PTPRN2: variants seen among roughly 807,000 people sequenced by gnomAD.
PTPRN2 encodes the protein protein tyrosine phosphatase receptor type N2.
PTPRN2 carries 74 observed loss-of-function variants against 118.8 expected under a neutral mutation model. The ratio of observed to expected loss-of-function variants is 0.62; its 90% CI spans 0.52 to 0.76. The LOEUF is 0.76. PTPRN2 is among the 30% of genes least tolerant of loss of function. The pLI is 0.00. For missense variants in PTPRN2, 1,481 were observed against 1,394.4 expected, an observed-to-expected ratio of 1.06 and a Z score of -0.99; for synonymous variants, 641 against 608.0, an observed-to-expected ratio of 1.05 and a Z score of -0.80.
In PTPRN2 at chr7:157,794,210, C is replaced by T. The variant is rs1456488084; in HGVS notation, c.1788+104463G>A. Among the ~76,000 whole-genome samples, 4 of 146,916 alleles carry T rather than the reference C, an allele frequency of 2.7e-5. No homozygotes were observed. Among genetic ancestry groups the T allele is most frequent in the South Asian group, 2.1e-4 (1 of 4,656 alleles). ...CTGACCCGGGATCACACCTCCGACC[C>T]GGGCTCACACCTCCCCTCGTTCTCT... On this transcript the variant is annotated intron_variant, in intron 12 of 22. Transcript: ENST00000389418. The surrounding 1 kb of genome is among the most constrained non-coding windows in gnomAD (Gnocchi z 5.2).
intron 2 of PTPRN2, among the ~76,000 whole-genome samples, chr7:158,441,318 A>ATGGTGG (rs1346666608): frequency 1.9e-4 from 17 of 90,946 alleles, no homozygotes; most frequent in African/African-American, 6.1e-4. Context: ...GGTGATGGCA[A>ATGGTGG]TGAAGGTGAT....
At chr7:157,682,994 AAC>A in intron 12 of PTPRN2, 57 bp from the exon 13 acceptor site, 5 of 1,404,294 alleles carry the variant, frequency 3.6e-6, no homozygotes, top group Non-Finnish European at 5.0e-6. Flanking sequence ...ACCTCCTAAA[AAC>A]ACACGTCTCC....
At chr7:158,572,116 C>A (rs1452556261) in intron 1 of PTPRN2, among the ~76,000 whole-genome samples, 1 of 152,172 alleles carries the variant, frequency 6.6e-6, no homozygotes, top group African/African-American at 2.4e-5. Flanking sequence ...TTCTGGAGGG[C>A]AGGGACTCTG....
chr7:157,935,365 G>A (rs1465753964), intron 11 of PTPRN2, among the ~76,000 whole-genome samples: 1 of 152,028 alleles, frequency 6.6e-6, no homozygotes, highest in African/African-American at 2.4e-5. Flanking sequence ...GATCATTTCT[G>A]TGCATCTGTT....
intron 1 of PTPRN2, among the ~76,000 whole-genome samples, chr7:158,510,290 GC>G (rs2129446971): frequency 6.6e-6 from 1 of 152,308 alleles, no homozygotes; most frequent in East Asian, 1.9e-4. Flanking sequence ...CAACTTAGAA[GC>G]CCAGGGTGCT....
At chr7:157,818,133 A>G (rs1437345133) in intron 12 of PTPRN2, among the ~76,000 whole-genome samples, 1 of 147,782 alleles carries the variant, frequency 6.8e-6, no homozygotes, top group Non-Finnish European at 1.5e-5. Flanking sequence ...TAGTGTGTGT[A>G]TATGTGTATG....
At chr7:158,116,967 T>C (rs1816773863) in intron 9 of PTPRN2, among the ~76,000 whole-genome samples, 1 of 152,138 alleles carries the variant, frequency 6.6e-6, no homozygotes, top group Admixed American at 6.5e-5. Context: ...AGAGACAATC[T>C]GATTTCCAGA....
intron 1 of PTPRN2, among the ~76,000 whole-genome samples, chr7:158,567,961 A>G (rs577831668): frequency 6.6e-6 from 1 of 152,290 alleles, no homozygotes; most frequent in African/African-American, 2.4e-5. Context: ...CCTTTATTAA[A>G]AACTCTTTTG....
intron 12 of PTPRN2, among the ~76,000 whole-genome samples, chr7:157,693,248 T>A (rs946063963): frequency 6.6e-6 from 1 of 151,552 alleles, no homozygotes. Flanking sequence ...CGCGCGTCTG[T>A]GTGTGCGCGC....
intron 2 of PTPRN2, among the ~76,000 whole-genome samples, chr7:158,412,283 C>A (rs1814189432): frequency 9.7e-6 from 1 of 102,802 alleles, no homozygotes; most frequent in Non-Finnish European, 1.9e-5. Context: ...CCCATCTCAG[C>A]ACCCTCCTCA....
At chr7:158,072,079 G>T (rs1219969962) in intron 11 of PTPRN2, among the ~76,000 whole-genome samples, 2 of 130,062 alleles carry the variant, frequency 1.5e-5, no homozygotes, top group Non-Finnish European at 3.5e-5. Flanking sequence ...AGGTGCTCGT[G>T]GTGGTGGAGG....
intron 4 of PTPRN2, among the ~76,000 whole-genome samples, chr7:158,196,148 G>A (rs1187549137): frequency 6.6e-6 from 1 of 152,192 alleles, no homozygotes; most frequent in African/African-American, 2.4e-5. Flanking sequence ...GATACTGTTT[G>A]CTCTCATTTT....
chr7:158,223,084 G>A (rs547004689), intron 3 of PTPRN2, among the ~76,000 whole-genome samples: 1 of 152,224 alleles, frequency 6.6e-6, no homozygotes, highest in Admixed American at 6.5e-5. Flanking sequence ...AGATGAAATG[G>A]ATCGACTCCT....
At chr7:157,899,683 G>A (rs533992691) in intron 11 of PTPRN2, among the ~76,000 whole-genome samples, 1 of 152,186 alleles carries the variant, frequency 6.6e-6, no homozygotes, top group East Asian at 1.9e-4. Flanking sequence ...TTCGGAGAGG[G>A]ACGCGATGAG....
rs1285708020 is a variant in PTPRN2 at position 158,273,459 on chromosome 7, C to T, written c.277+43360G>A. Among the ~76,000 whole-genome samples the T allele has an allele frequency of 5.6e-5, 8 of 142,646 alleles. 1 individual carries two copies. Among genetic ancestry groups the T allele is most frequent in the Admixed American group, 1.4e-4 (2 of 14,252 alleles). 93.6% of individuals were successfully genotyped at this position (142,646 alleles called of 152,430 possible). On this transcript the variant is annotated intron_variant, in intron 3 of 22. Transcript: ENST00000389418. ...AGACAGACGCGGGAGGAGCCGCAGACGCAGGGGGAGCCGCAGGCACAGGGG... is the reference window on the plus strand; with the variant it reads ...AGACAGACGCGGGAGGAGCCGCAGATGCAGGGGGAGCCGCAGGCACAGGGG...
chr7:158,083,587 C>T (rs1226225768), intron 10 of PTPRN2, among the ~76,000 whole-genome samples: 7 of 152,238 alleles, frequency 4.6e-5, no homozygotes, highest in Non-Finnish European at 8.8e-5. Context: ...GCATGTGACC[C>T]ATACATGGCC....
chr7:158,405,767 G>T (rs115046667), intron 2 of PTPRN2, among the ~76,000 whole-genome samples: 2,561 of 147,656 alleles, frequency 0.017, 96 homozygotes, highest in Middle Eastern at 0.051. Flanking sequence ...TGCATACCAC[G>T]ACCACAAGTG....
chr7:158,410,088 G>A (rs936479787), intron 2 of PTPRN2, among the ~76,000 whole-genome samples: 2 of 152,138 alleles, frequency 1.3e-5, no homozygotes, highest in South Asian at 2.1e-4. Flanking sequence ...AGGCAGACCT[G>A]GAGTTCATCC....
rs1803832091 is a variant in PTPRN2, at chr7:157,986,864, C to T, written c.1724-88127G>A. 6.6e-6 allele frequency among the ~76,000 whole-genome samples: 1 copy of T among 152,130 alleles called. No individual in the cohort carries two copies. Among genetic ancestry groups the T allele is most frequent in the African/African-American group, 2.4e-5 (1 of 41,430 alleles). ...TGCCGGTTTCTGACCCACTCCACCC[C>T]TCCTCCAGGACCCTCCAGAGTGAAT... On this transcript the variant is annotated intron_variant, in intron 11 of 22. Transcript: ENST00000389418. The surrounding 1 kb of genome is among the most constrained non-coding windows in gnomAD (Gnocchi z 4.5).
Sources: gnomAD v4.1 joint callset for allele counts (sites outside exome capture counted in the v4.1 genomes callset) on GRCh38, gnomAD v4.1.1 for gene constraint, Gnocchi (gnomAD v3.1) non-coding constraint, MANE v1.5 for transcripts, NCBI Gene and HGNC (gene_info 2026-07-23, HGNC 2026-07-21) for gene names.